PTPRJ: variants seen among roughly 807,000 people sequenced by gnomAD.
PTPRJ encodes receptor-type tyrosine-protein phosphatase eta.
PTPRJ carries 129 observed loss-of-function variants against 141.3 expected under a neutral mutation model. The observed-to-expected ratio is 0.91, with a 90% CI of 0.79 to 1.06. The LOEUF is 1.06. Among genes scored for constraint, PTPRJ ranks in the 50% least tolerant of loss-of-function variants. PTPRJ has a pLI of 0.00. For synonymous variants in PTPRJ, 610 were observed against 640.5 expected (o/e 0.95, Z 0.72); for missense variants, 1,601 against 1,679.7 (o/e 0.95, Z 0.82).
intron 19 of PTPRJ, among the ~76,000 whole-genome samples, chr11:48,155,145 A>G (rs1857571546): frequency 6.6e-6 from 1 of 152,144 alleles, no homozygotes; most frequent in African/African-American, 2.4e-5. Flanking sequence ...TATTTATAAA[A>G]CATAATTCTG....
intron 1 of PTPRJ, among the ~76,000 whole-genome samples, chr11:48,078,586 A>G (rs1024794725): frequency 6.6e-6 from 1 of 152,136 alleles, no homozygotes; most frequent in Admixed American, 6.5e-5. Context: ...GGCATCAGGA[A>G]GGCTGGGTAG....
At chr11:48,034,922 T>C (rs373506078) in intron 1 of PTPRJ, among the ~76,000 whole-genome samples, 2 of 152,234 alleles carry the variant, frequency 1.3e-5, no homozygotes, top group African/African-American at 4.8e-5. Context: ...CCCCGCAAGA[T>C]ATTAAGAGCC....
At chr11:48,089,010 G>A (rs1212528286) in intron 1 of PTPRJ, among the ~76,000 whole-genome samples, 4 of 151,262 alleles carry the variant, frequency 2.6e-5, no homozygotes, top group African/African-American at 4.9e-5. Context: ...CCTAATTTCG[G>A]TGCTACTCCC....
At chr11:48,049,565 C>CAAAACAAAA (rs746217685) in intron 1 of PTPRJ, among the ~76,000 whole-genome samples, 1,982 of 150,810 alleles carry the variant, frequency 0.013, 48 homozygotes, top group African/African-American at 0.047. Flanking sequence ...CAAAACAAAA[C>CAAAACAAAA]AAGTCGGGTG....
At position 48,098,765 on chromosome 11, in the gene PTPRJ, C is replaced by T. The variant is rs1402439459; in HGVS notation, c.97-11293C>T. On this transcript the variant is annotated intron_variant, in intron 1 of 24. Coordinates refer to ENST00000418331, the MANE Select transcript of PTPRJ (RefSeq NM_002843.4). ...CGATCTCCTGACCTCGTGATCCGCC[C>T]GTCTCGGCCTCCCAAAGTGCTGGGA... Among the ~76,000 whole-genome samples, 2 of 127,182 alleles carry T rather than the reference C, an allele frequency of 1.6e-5. 1 individual carries two copies. Among genetic ancestry groups the T allele is most frequent in the Non-Finnish European group, 3.4e-5 (2 of 58,092 alleles). 83.4% of individuals were successfully genotyped at this position (127,182 alleles called of 152,430 possible). A position where few individuals can be genotyped will look rare whatever the true frequency, so the allele number is the denominator to read the frequency against.
At chr11:48,079,641 G>C (rs1236531427) in intron 1 of PTPRJ, among the ~76,000 whole-genome samples, 3 of 152,132 alleles carry the variant, frequency 2.0e-5, no homozygotes, top group African/African-American at 7.2e-5. Flanking sequence ...AGAGGAAGAG[G>C]AGGAGCGGCC....
At chr11:48,134,384 A>G (rs921898670) in intron 8 of PTPRJ, among the ~76,000 whole-genome samples, 1 of 151,968 alleles carries the variant, frequency 6.6e-6, no homozygotes, top group African/African-American at 2.4e-5. Flanking sequence ...CATGTTATTG[A>G]ATATTTAGGT....
chr11:48,094,676 C>T (rs1220268709), intron 1 of PTPRJ, among the ~76,000 whole-genome samples: 3 of 152,174 alleles, frequency 2.0e-5, no homozygotes, highest in East Asian at 1.9e-4. Context: ...GTGGGCTTTT[C>T]TGCTGTGTTT....
chr11:48,123,580 G>A, intron 4 of PTPRJ, 33 bp from the exon 5 acceptor site: 1 of 1,599,904 alleles, frequency 6.3e-7, no homozygotes, highest in Non-Finnish European at 8.5e-7. Flanking sequence ...CATATATCTT[G>A]TTCCATTAAT....
intron 3 of PTPRJ, among the ~76,000 whole-genome samples, chr11:48,120,475 G>C (rs61915915): frequency 0.031 from 4,654 of 152,190 alleles, 109 homozygotes; most frequent in Non-Finnish European, 0.046. Flanking sequence ...GCCCAGGCTG[G>C]AGTGCAGTGG....
intron 2 of PTPRJ, among the ~76,000 whole-genome samples, chr11:48,111,210 G>T (rs913298091): frequency 2.7e-5 from 4 of 149,880 alleles, no homozygotes; most frequent in African/African-American, 7.4e-5. Context: ...AGCCTGAGAG[G>T]TGGAGGCTGC....
intron 1 of PTPRJ, among the ~76,000 whole-genome samples, chr11:47,994,806 G>GT (rs1018960454): frequency 4.6e-5 from 7 of 152,180 alleles, no homozygotes; most frequent in African/African-American, 1.7e-4. Flanking sequence ...ATTTTGTAAT[G>GT]TTTTTTGAAA....
rs533486777 is a variant in PTPRJ at position 47,996,252 on chromosome 11, G to A, written c.96+15244G>A. Reference sequence around the variant, plus strand: ...CGGGAGGCTGAGGCAGGAGAATGGCGTGAACCCGGGAGGCGGAGCTTGCAG... The same window carrying A: ...CGGGAGGCTGAGGCAGGAGAATGGCATGAACCCGGGAGGCGGAGCTTGCAG... On this transcript the variant is annotated intron_variant, in intron 1 of 24. Coordinates refer to ENST00000418331, the MANE Select transcript of PTPRJ (RefSeq NM_002843.4). Among the ~76,000 whole-genome samples, 785 of 150,020 alleles carry A rather than the reference G, an allele frequency of 5.2e-3. 8 individuals carry two copies. Among genetic ancestry groups the A allele is most frequent in the African/African-American group, 0.019 (758 of 40,678 alleles).
chr11:47,988,973 T>TC (rs1221394139), intron 1 of PTPRJ, among the ~76,000 whole-genome samples: 2 of 131,338 alleles, frequency 1.5e-5, no homozygotes, highest in African/African-American at 5.8e-5. Flanking sequence ...AAGCTCCGCC[T>TC]CCCAGGTTCA....
intron 12 of PTPRJ, among the ~76,000 whole-genome samples, chr11:48,143,885 C>T (rs918873165): frequency 5.4e-5 from 8 of 148,624 alleles, no homozygotes; most frequent in Admixed American, 3.4e-4. Flanking sequence ...CCTTCCCCTT[C>T]CCTCTTTCTT....
At chr11:48,061,341 C>T (rs981852673) in intron 1 of PTPRJ, among the ~76,000 whole-genome samples, 1 of 152,138 alleles carries the variant, frequency 6.6e-6, no homozygotes, top group African/African-American at 2.4e-5. Flanking sequence ...GCCACCTGAC[C>T]CTGTGTTGGC....
At chr11:47,989,779 C>T (rs1854143678) in intron 1 of PTPRJ, among the ~76,000 whole-genome samples, 1 of 152,102 alleles carries the variant, frequency 6.6e-6, no homozygotes, top group African/African-American at 2.4e-5. Flanking sequence ...TCCTTAGGAA[C>T]TCAGAGATAA....
chr11:48,050,204 A>T (rs1464623730), intron 1 of PTPRJ, among the ~76,000 whole-genome samples: 1 of 152,186 alleles, frequency 6.6e-6, no homozygotes, highest in Non-Finnish European at 1.5e-5. Flanking sequence ...CATGACTAGT[A>T]AACCTGTCAC....
At chr11:48,087,603 G>A (rs1855750181) in intron 1 of PTPRJ, among the ~76,000 whole-genome samples, 1 of 152,224 alleles carries the variant, frequency 6.6e-6, no homozygotes, top group Non-Finnish European at 1.5e-5. Context: ...GAGAAGACAT[G>A]TGAGTTGCCT....
Sources: gnomAD v4.1 joint callset for allele counts (sites outside exome capture counted in the v4.1 genomes callset) on GRCh38, gnomAD v4.1.1 for gene constraint, MANE v1.5 for transcripts, NCBI Gene and HGNC (gene_info 2026-07-23, HGNC 2026-07-21) for gene names.